STX8: variants seen among roughly 807,000 people sequenced by gnomAD.
STX8 encodes syntaxin-8.
Under a neutral mutation model 37.5 loss-of-function variants are expected in STX8, and 23 were observed. The ratio of observed to expected loss-of-function variants is 0.61; its 90% CI spans 0.44 to 0.87. The LOEUF (loss-of-function observed/expected upper bound fraction) is 0.87. Ranked by LOEUF, STX8 falls within the 40% of genes least tolerant of loss-of-function variation. The probability of loss-of-function intolerance (pLI) is 0.00; values close to 1 mark genes in which losing one functional copy is unlikely to be tolerated. For missense variants in STX8, 313 were observed against 284.7 expected (o/e 1.10, Z -0.71); for synonymous variants, 115 against 99.1 (o/e 1.16, Z -0.95).
At chr17:9,390,476 C>T (rs563329405) in intron 6 of STX8, among the ~76,000 whole-genome samples, 4 of 150,538 alleles carry the variant, frequency 2.7e-5, no homozygotes, top group South Asian at 2.1e-4. Flanking sequence ...GAGCTGAGAT[C>T]GCGCCATTGC....
At chr17:9,463,601 G>A (rs528705746) in intron 6 of STX8, among the ~76,000 whole-genome samples, 11 of 152,090 alleles carry the variant, frequency 7.2e-5, no homozygotes, top group Middle Eastern at 3.4e-3. Context: ...GTGAAACTCC[G>A]TCTCTACTAA....
intron 7 of STX8, among the ~76,000 whole-genome samples, chr17:9,344,407 T>TCCG (rs1259301628): frequency 2.0e-5 from 3 of 152,016 alleles, no homozygotes; most frequent in Admixed American, 6.6e-5. Flanking sequence ...ATTACAGGCG[T>TCCG]CCGCCACCAC....
chr17:9,281,256 T>C (rs1049396258), intron 7 of STX8, among the ~76,000 whole-genome samples: 10 of 152,070 alleles, frequency 6.6e-5, no homozygotes, highest in African/African-American at 2.4e-4. Flanking sequence ...AGCAGTGTTG[T>C]GGATTTCATA....
intron 7 of STX8, among the ~76,000 whole-genome samples, chr17:9,376,700 G>C (rs1295432619): frequency 6.6e-6 from 1 of 152,230 alleles, no homozygotes; most frequent in Non-Finnish European, 1.5e-5. Context: ...CACTCCTGAA[G>C]TCAGCGAGAC....
intron 6 of STX8, among the ~76,000 whole-genome samples, chr17:9,394,471 G>A (rs371389522): frequency 2.6e-5 from 4 of 151,282 alleles, no homozygotes; most frequent in East Asian, 3.9e-4. Context: ...TCTGCCTCCC[G>A]GGTTCAAGTG....
At chr17:9,353,318 G>C (rs1011526797) in intron 7 of STX8, among the ~76,000 whole-genome samples, 11 of 152,182 alleles carry the variant, frequency 7.2e-5, no homozygotes, top group Non-Finnish European at 1.5e-5. Flanking sequence ...TCCTGTCCCA[G>C]ATTTAGACTC....
intron 6 of STX8, among the ~76,000 whole-genome samples, chr17:9,383,679 G>A (rs975661992): frequency 1.3e-5 from 2 of 152,104 alleles, no homozygotes; most frequent in African/African-American, 4.8e-5. Context: ...GAGCTGTAAA[G>A]GTGCATTTGC....
intron 7 of STX8, among the ~76,000 whole-genome samples, chr17:9,343,228 T>C (rs1233715416): frequency 6.6e-6 from 1 of 152,042 alleles, no homozygotes; most frequent in Admixed American, 6.6e-5. Context: ...AACCACACTG[T>C]TGCCCCGGGT....
chr17:9,485,912 T>A (rs948336757), intron 6 of STX8, among the ~76,000 whole-genome samples: 2 of 151,810 alleles, frequency 1.3e-5, no homozygotes, highest in Non-Finnish European at 2.9e-5. Context: ...ATCTGACCAG[T>A]AGGAGTTGCA....
intron 2 of STX8, among the ~76,000 whole-genome samples, chr17:9,560,768 G>T (rs1454979576): frequency 1.3e-5 from 2 of 150,064 alleles, no homozygotes; most frequent in African/African-American, 4.9e-5. Flanking sequence ...TTTAAATGAA[G>T]TTTTAGAAAA....
At chr17:9,543,146 C>A (rs1436473351) in intron 4 of STX8, among the ~76,000 whole-genome samples, 2 of 152,170 alleles carry the variant, frequency 1.3e-5, no homozygotes, top group African/African-American at 4.8e-5. Context: ...GCAGAATAGT[C>A]TGAATGTTTT....
At position 9,254,203 on chromosome 17, in the gene STX8, G is replaced by A. The variant is rs575701960; in HGVS notation, c.644-3558C>T. On this transcript the variant is annotated intron_variant, in intron 7 of 7. Transcript: ENST00000306357. ...TGTTTGAGCCATCCTGGCTGTCTCC[G>A]GTGCCCCCAACAGGCTGATGCAGAA... Among the ~76,000 whole-genome samples, 21 of 152,190 alleles carry A rather than the reference G, an allele frequency of 1.4e-4. 1 individual carries two copies. Among genetic ancestry groups the A allele is most frequent in the Admixed American group, 1.2e-3 (18 of 15,290 alleles).
chr17:9,321,267 C>T (rs1238229362), intron 7 of STX8, among the ~76,000 whole-genome samples: 2 of 152,154 alleles, frequency 1.3e-5, no homozygotes, highest in South Asian at 2.1e-4. Context: ...CAGTGGCTGA[C>T]GCCTGTAATC....
In STX8 at chr17:9,333,610, G is replaced by C. The variant is rs192337821; in HGVS notation, c.643+44942C>G. On this transcript the variant is annotated intron_variant, in intron 7 of 7. Transcript: ENST00000306357. Reference sequence around the variant, plus strand: ...TTCACTGTGTTAGCCAGGATGGTCTGGATCTCCTGACCTTGTGATCCGCCC... The same window carrying C: ...TTCACTGTGTTAGCCAGGATGGTCTCGATCTCCTGACCTTGTGATCCGCCC... Among the ~76,000 whole-genome samples the C allele has an allele frequency of 4.5e-3, 685 of 152,178 alleles. 3 individuals carry two copies. Among genetic ancestry groups the C allele is most frequent in the African/African-American group, 0.015 (611 of 41,522 alleles).
chr17:9,441,135 C>T (rs1270096535), intron 6 of STX8, among the ~76,000 whole-genome samples: 1 of 152,086 alleles, frequency 6.6e-6, no homozygotes, highest in Non-Finnish European at 1.5e-5. Context: ...TATGAAGGGG[C>T]AAATGCTAAG....
In STX8 at chr17:9,400,350, C is replaced by G. The variant is rs576526104; in HGVS notation, c.542-21697G>C. 1.8e-4 allele frequency among the ~76,000 whole-genome samples: 27 copies of G among 152,090 alleles called. 1 individual carries two copies. In the South Asian group the frequency reaches 5.4e-3, roughly 30 times the overall value. On this transcript the variant is annotated intron_variant, in intron 6 of 7. Coordinates refer to ENST00000306357, the MANE Select transcript of STX8 (RefSeq NM_004853.3). Reference sequence around the variant, plus strand: ...TCTCCTGACCTTGTGATCCGCCTGCCTCAGCCTCCAAAGTGCTGGGGTTAC... The same window carrying G: ...TCTCCTGACCTTGTGATCCGCCTGCGTCAGCCTCCAAAGTGCTGGGGTTAC...
intron 6 of STX8, among the ~76,000 whole-genome samples, chr17:9,414,113 TCCATCCATCCATCCAA>T (rs1344807748): frequency 5.9e-5 from 1 of 16,842 alleles, no homozygotes; most frequent in African/African-American, 2.4e-4. Flanking sequence ...CATCCATCCA[TCCATCCATCCATCCAA>T]CCATCCATCC....
At chr17:9,286,055 G>A (rs1441318080) in intron 7 of STX8, among the ~76,000 whole-genome samples, 29 of 151,946 alleles carry the variant, frequency 1.9e-4, no homozygotes, top group Admixed American at 1.9e-3. Flanking sequence ...AAAAAATAAG[G>A]CAAGATCATA....
intron 6 of STX8, among the ~76,000 whole-genome samples, chr17:9,467,823 C>T (rs890049499): frequency 6.6e-6 from 1 of 152,148 alleles, no homozygotes; most frequent in African/African-American, 2.4e-5. Context: ...CGTCCAGGGC[C>T]TTTTATCCAG....
Sources: allele counts gnomAD v4.1 joint callset (sites outside exome capture counted in the v4.1 genomes callset), GRCh38; gene constraint gnomAD v4.1.1; transcripts MANE v1.5; gene names NCBI Gene and HGNC (gene_info 2026-07-23, HGNC 2026-07-21).